The following BCAS3 variants were observed in gnomAD, a reference collection of about 807,000 sequenced individuals.
BCAS3 encodes the protein BCAS3 microtubule associated cell migration factor.
BCAS3 carries 53 observed loss-of-function variants against 116.1 expected under a neutral mutation model. The ratio of observed to expected loss-of-function variants is 0.46; its 90% confidence interval spans 0.37 to 0.57. The LOEUF (loss-of-function observed/expected upper bound fraction) is 0.57, where lower values mean the gene tolerates loss of function less well. Among genes scored for constraint, BCAS3 ranks in the 20% least tolerant of loss-of-function variants. The probability of loss-of-function intolerance (pLI) is 0.00; values close to 1 mark genes in which losing one functional copy is unlikely to be tolerated. For synonymous variants in BCAS3, 391 were observed against 408.2 expected (o/e 0.96, Z 0.51); for missense variants, 917 against 1,165.4 (o/e 0.79, Z 3.10).
At chr17:61,060,869 G>A (rs555662777) in intron 19 of BCAS3, among the ~76,000 whole-genome samples, 10 of 152,236 alleles carry the variant, frequency 6.6e-5, no homozygotes, top group South Asian at 6.2e-4. Flanking sequence ...CCACCATTAC[G>A]TAAAACAGGT....
chr17:60,856,057 T>C lies in BCAS3; in HGVS notation c.477-12519T>C, dbSNP rs1018288692. ...ATGAAGTATTTCTGCTTATTTACTT[T>C]GTTAAAAGAAGGCCATCAAGAAGGC... On this transcript the variant is annotated intron_variant, in intron 7 of 23. Transcript: ENST00000407086. Among the ~76,000 whole-genome samples, 35 of 152,178 alleles carry C rather than the reference T, an allele frequency of 2.3e-4. 1 individual carries two copies. The highest frequency in any genetic ancestry group is 8.8e-5 in the Non-Finnish European group (6 of 68,034).
chr17:61,107,118 G>T (rs975356722), intron 22 of BCAS3, among the ~76,000 whole-genome samples: 3 of 119,510 alleles, frequency 2.5e-5, no homozygotes, highest in African/African-American at 9.4e-5. Context: ...ACGGAGTCTC[G>T]CTCTGTCGCC....
At chr17:60,810,204 C>A in intron 7 of BCAS3, 1 of 429,748 alleles carries the variant, frequency 2.3e-6, no homozygotes. Context: ...CACCAAACTA[C>A]CAGTCTCTGG....
intron 15 of BCAS3, among the ~76,000 whole-genome samples, chr17:61,003,486 T>C (rs2064425009): frequency 6.7e-6 from 1 of 149,760 alleles, no homozygotes; most frequent in African/African-American, 2.5e-5. Context: ...CGAGACAAGG[T>C]TTTGCCATTT....
At chr17:61,154,639 C>G (rs981811414) in intron 22 of BCAS3, among the ~76,000 whole-genome samples, 3 of 151,974 alleles carry the variant, frequency 2.0e-5, no homozygotes, top group African/African-American at 4.8e-5. Flanking sequence ...GATGAGATCT[C>G]TCTACATTGC....
In BCAS3 at chr17:61,391,822, C is replaced by T. The variant is rs1406700976; in HGVS notation, c.2594-155C>T. The stretch of plus-strand genomic sequence containing the variant: ...CTGAGCCTTCCTGTGACCTGAGCTG[C>T]CCCCTGCCCATCCAGGGAGCAGGCG... On this transcript the variant is annotated intron_variant, in intron 23 of 23. Transcript: ENST00000407086. The surrounding 1 kb of genome is among the most constrained non-coding windows in gnomAD (Gnocchi z 7.7). 58 of 769,656 alleles carry T rather than the reference C, an allele frequency of 7.5e-5. No homozygotes were observed. Among genetic ancestry groups the T allele is most frequent in the Non-Finnish European group, 8.3e-5 (39 of 472,542 alleles). The allele number at this position is 769,656 out of a possible 1,614,324, so 47.7% of individuals were successfully genotyped here.
chr17:61,303,999 CT>C (rs952207934), intron 22 of BCAS3, among the ~76,000 whole-genome samples: 5 of 152,206 alleles, frequency 3.3e-5, no homozygotes, highest in African/African-American at 1.2e-4. Flanking sequence ...GAATCCCAGT[CT>C]GTAACACCAC....
rs1310997077 is a variant in BCAS3, at chr17:61,122,741, A to G, written c.2425+38177A>G. 6.6e-6 allele frequency among the ~76,000 whole-genome samples: 1 copy of G among 152,198 alleles called. No individual in the cohort carries two copies. Among genetic ancestry groups the G allele is most frequent in the African/African-American group, 2.4e-5 (1 of 41,462 alleles). ...AAAAAACAAAACAAAACAAAAAACC[A>G]TCTCAGCAAAAATAAATTCAAGAAT... is the stretch of plus-strand genomic sequence containing the variant. On this transcript the variant is annotated intron_variant, in intron 22 of 23. Transcript: ENST00000407086. This position sits in a 1 kb window ranked among gnomAD's most constrained non-coding sequence, Gnocchi z 4.6.
intron 13 of BCAS3, among the ~76,000 whole-genome samples, chr17:60,945,831 T>TA (rs896876688): frequency 6.7e-6 from 1 of 148,406 alleles, no homozygotes; most frequent in African/African-American, 2.5e-5. Flanking sequence ...AAATAAAAAA[T>TA]AAAAAAATGC....
At chr17:61,298,754 G>A (rs779439776) in intron 22 of BCAS3, among the ~76,000 whole-genome samples, 4 of 152,014 alleles carry the variant, frequency 2.6e-5, no homozygotes, top group Admixed American at 6.5e-5. Context: ...GTGCCCTCAA[G>A]TGTGGGCTGC....
intron 15 of BCAS3, among the ~76,000 whole-genome samples, chr17:60,998,354 G>A (rs983958622): frequency 2.0e-5 from 3 of 152,108 alleles, no homozygotes; most frequent in African/African-American, 7.2e-5. Flanking sequence ...TTTCTTTTGG[G>A]CATATACCCA....
At position 61,261,260 on chromosome 17, in the gene BCAS3, T is replaced by C. The variant is rs1171038818; in HGVS notation, c.2426-107067T>C. On this transcript the variant is annotated intron_variant, in intron 22 of 23. Coordinates refer to ENST00000407086, the MANE Select transcript of BCAS3 (RefSeq NM_017679.5). This position sits in a 1 kb window ranked among gnomAD's most constrained non-coding sequence, Gnocchi z 4.4. ...CAGTTATTAAACACTGATTCAAGAATATGTTTAGAGGAGCTGCGACCCAGG... is the reference window on the plus strand; with the variant it reads ...CAGTTATTAAACACTGATTCAAGAACATGTTTAGAGGAGCTGCGACCCAGG... Among the ~76,000 whole-genome samples, 1 of 152,108 alleles carries C rather than the reference T, an allele frequency of 6.6e-6. No individual in the cohort carries two copies. The highest frequency in any genetic ancestry group is 1.5e-5 in the Non-Finnish European group (1 of 68,014).
At chr17:60,975,268 T>A (rs1568008528) in intron 14 of BCAS3, among the ~76,000 whole-genome samples, 1 of 152,160 alleles carries the variant, frequency 6.6e-6, no homozygotes, top group South Asian at 2.1e-4. Flanking sequence ...CCCAAAGTGC[T>A]GGGATTACAG....
rs139301806 is a variant in BCAS3, at chr17:61,027,391, G to A, written c.1638-7275G>A. 1.8e-5 allele frequency: 8 copies of A among 449,780 alleles called. No homozygotes were observed. The East Asian group carries it at 2.7e-4, about 15-fold the overall frequency. 27.9% of individuals were successfully genotyped at this position (449,780 alleles called of 1,614,324 possible). ...AAAGTTCTGTTTTTGAATAGTTTAGGTATTTAAGGAGCTACATAATGACAA... is the reference window on the plus strand; with the variant it reads ...AAAGTTCTGTTTTTGAATAGTTTAGATATTTAAGGAGCTACATAATGACAA... On this transcript the variant is annotated intron_variant, in intron 16 of 23. Transcript: ENST00000407086.
intron 12 of BCAS3, among the ~76,000 whole-genome samples, chr17:60,911,111 C>CTTTTTTTTT (rs143770646): frequency 7.6e-5 from 8 of 105,814 alleles, no homozygotes; most frequent in South Asian, 4.6e-4. Context: ...AAATTTTTTT[C>CTTTTTTTTT]TTTTTTTCTT....
At chr17:60,735,766 T>C (rs1282507980) in intron 5 of BCAS3, among the ~76,000 whole-genome samples, 5 of 152,168 alleles carry the variant, frequency 3.3e-5, no homozygotes, top group African/African-American at 1.2e-4. Flanking sequence ...TTTTTGTAGA[T>C]GTTCTTTAAT....
At chr17:61,078,662 G>A (rs540806843) in intron 21 of BCAS3, 133 bp downstream of exon 21, 54 of 701,098 alleles carry the variant, frequency 7.7e-5, no homozygotes, top group South Asian at 4.8e-4. Flanking sequence ...ACTGTTGCAC[G>A]TAATTCCCTG....
At chr17:61,270,254 G>A (rs2050131578) in intron 22 of BCAS3, among the ~76,000 whole-genome samples, 1 of 150,338 alleles carries the variant, frequency 6.7e-6, no homozygotes, top group Admixed American at 6.6e-5. Flanking sequence ...TGAGTAGCTG[G>A]GATTACAGGT....
intron 5 of BCAS3, among the ~76,000 whole-genome samples, chr17:60,728,619 A>G (rs2040147416): frequency 6.6e-6 from 1 of 151,994 alleles, no homozygotes; most frequent in Non-Finnish European, 1.5e-5. Flanking sequence ...AGCTGGGATT[A>G]CAGGTGCCCG....
Sources: allele counts gnomAD v4.1 joint callset (sites outside exome capture counted in the v4.1 genomes callset), GRCh38; gene constraint gnomAD v4.1.1; non-coding constraint Gnocchi (gnomAD v3.1); transcripts MANE v1.5; gene names NCBI Gene and HGNC (gene_info 2026-07-23, HGNC 2026-07-21).